EIF2AK4: variants seen among roughly 807,000 people sequenced by gnomAD.
The protein encoded by EIF2AK4 is eIF-2-alpha kinase GCN2.
Under a neutral mutation model 211.1 loss-of-function variants are expected in EIF2AK4, and 139 were observed. The ratio of observed to expected loss-of-function variants is 0.66; its 90% CI spans 0.57 to 0.76. EIF2AK4 has a LOEUF of 0.76. EIF2AK4 is among the 30% of genes least tolerant of loss of function. The pLI, the probability that EIF2AK4 is intolerant of heterozygous loss-of-function variation, is 0.00. For synonymous variants in EIF2AK4, 710 were observed against 751.3 expected (o/e 0.94, Z 0.90); for missense variants, 1,664 against 2,043.8 (o/e 0.81, Z 3.58).
intron 27 of EIF2AK4, among the ~76,000 whole-genome samples, chr15:40,014,926 A>T (rs2035285105): frequency 6.6e-6 from 1 of 152,132 alleles, no homozygotes; most frequent in Non-Finnish European, 1.5e-5. Flanking sequence ...ATCTCCCTCA[A>T]GTTCAAAGTT....
At chr15:39,992,670 G>C in intron 17 of EIF2AK4, 99 bp from the exon 18 acceptor site, 1 of 1,002,228 alleles carries the variant, frequency 1.0e-6, no homozygotes, top group Admixed American at 1.9e-5. Flanking sequence ...ACAGTTAACA[G>C]ATCATGCCTC....
At chr15:39,940,343 A>G (rs902418455) in intron 2 of EIF2AK4, among the ~76,000 whole-genome samples, 2 of 152,214 alleles carry the variant, frequency 1.3e-5, no homozygotes, top group African/African-American at 2.4e-5. Flanking sequence ...GTTGGCCTGG[A>G]TGGCGTTAAG....
At chr15:39,943,352 T>TTTC (rs2140898524) in intron 2 of EIF2AK4, 31 bp from the exon 3 acceptor site, 1 of 101,666 alleles carries the variant, frequency 9.8e-6, no homozygotes. Context: ...GGAGTAACTC[T>TTTC]TTTTTTTTTT....
chr15:39,957,264 C>A (rs2140907087), intron 6 of EIF2AK4, among the ~76,000 whole-genome samples: 1 of 152,250 alleles, frequency 6.6e-6, no homozygotes, highest in South Asian at 2.1e-4. Context: ...CAAGGTTAGG[C>A]TTGTTTTTGA....
At chr15:39,947,096 C>T (rs17720383) in intron 3 of EIF2AK4, among the ~76,000 whole-genome samples, 13,472 of 152,108 alleles carry the variant, frequency 0.089, 770 homozygotes, top group Middle Eastern at 0.23. Flanking sequence ...TCTGAGTCAT[C>T]GTCATATAAT....
In EIF2AK4 at chr15:39,998,462, A is replaced by G. The variant is rs16970160; in HGVS notation, c.2869-269A>G. On this transcript the variant is annotated intron_variant, in intron 19 of 38. Coordinates refer to ENST00000263791, the MANE Select transcript of EIF2AK4 (RefSeq NM_001013703.4). ...TTACTGCCTGAGCTAAAAGGGACCA[A>G]TGTTATAGTATGTGAGGTCAAAGGT... Among the ~76,000 whole-genome samples the G allele has an allele frequency of 7.8e-3, 1,177 of 151,356 alleles. 5 individuals are homozygous for G. Among genetic ancestry groups the G allele is most frequent in the South Asian group, 0.014 (65 of 4,796 alleles).
intron 6 of EIF2AK4, among the ~76,000 whole-genome samples, chr15:39,961,123 A>G (rs570479233): frequency 3.3e-5 from 5 of 152,284 alleles, no homozygotes; most frequent in Admixed American, 1.3e-4. Flanking sequence ...GTAGAAAAAA[A>G]GAAAGAGAGG....
chr15:39,956,508 A>G (rs1427794836), intron 6 of EIF2AK4, among the ~76,000 whole-genome samples: 1 of 152,200 alleles, frequency 6.6e-6, no homozygotes, highest in East Asian at 1.9e-4. Flanking sequence ...CATCTGTTAC[A>G]TGAGAGTAGG....
Position 39,939,501 on chromosome 15 carries a change from T to C in EIF2AK4, c.145-4T>C. 1 of 1,589,644 alleles carries C rather than the reference T, an allele frequency of 6.3e-7. No homozygotes were observed. The highest frequency in any genetic ancestry group is 8.6e-7 in the Non-Finnish European group (1 of 1,167,720). On this transcript the variant is annotated splice_polypyrimidine_tract_variant and splice_region_variant and intron_variant, in intron 1 of 38. Coordinates refer to ENST00000263791, the MANE Select transcript of EIF2AK4 (RefSeq NM_001013703.4). ...AAAAATTTTTTTTGTTTTTCCTCTT[T>C]TAGGTCAAAGAGCCCCCTGAAATCA...
At chr15:39,951,535 A>C in intron 4 of EIF2AK4, 2 of 354,838 alleles carry the variant, frequency 5.6e-6, no homozygotes, top group South Asian at 4.4e-5. Flanking sequence ...CTGGAAGCAC[A>C]GATCTGTTTT....
intron 9 of EIF2AK4, among the ~76,000 whole-genome samples, chr15:39,972,468 A>C (rs2034638372): frequency 6.6e-6 from 1 of 152,134 alleles, no homozygotes; most frequent in East Asian, 1.9e-4. Context: ...AGCAGGCTTC[A>C]TCTAAAGCTC....
At chr15:39,979,191 G>C (rs969559297) in intron 13 of EIF2AK4, among the ~76,000 whole-genome samples, 2 of 152,138 alleles carry the variant, frequency 1.3e-5, no homozygotes, top group Non-Finnish European at 2.9e-5. Context: ...CAAAGATGTG[G>C]GAAGTAGAAA....
intron 18 of EIF2AK4, 56 bp from the exon 19 acceptor site, chr15:39,996,908 G>T: frequency 8.1e-7 from 1 of 1,228,428 alleles, no homozygotes; most frequent in South Asian, 1.2e-5. Context: ...ATAATTCCCT[G>T]GTAAATTATA....
intron 37 of EIF2AK4, 65 bp downstream of exon 37, chr15:40,032,866 C>A: frequency 1.4e-6 from 2 of 1,409,004 alleles, no homozygotes; most frequent in Non-Finnish European, 9.8e-7. Flanking sequence ...ATTAGTTTGC[C>A]AAAATACTGA....
Position 40,022,504 on chromosome 15 carries a change from G to A in EIF2AK4, c.4303-15G>A. On this transcript the variant is annotated splice_polypyrimidine_tract_variant and intron_variant, in intron 31 of 38. Coordinates refer to ENST00000263791, the MANE Select transcript of EIF2AK4 (RefSeq NM_001013703.4). The stretch of plus-strand genomic sequence containing the variant: ...GCTCTGTGTTTATTTTCTTTACTAT[G>A]TTTGTTTGTTTCAGTCCCAAGAGGA... 6.2e-7 allele frequency: 1 copy of A among 1,606,894 alleles called. No homozygotes were observed. The highest frequency in any genetic ancestry group is 8.5e-7 in the Non-Finnish European group (1 of 1,174,540).
At chr15:40,004,227 A>G (rs2035129992) in intron 23 of EIF2AK4, among the ~76,000 whole-genome samples, 1 of 152,244 alleles carries the variant, frequency 6.6e-6, no homozygotes. Context: ...TTTGTTGCAC[A>G]TTCTTTATCC....
At position 39,998,714 on chromosome 15, in the gene EIF2AK4, T is replaced by C; in HGVS notation, c.2869-17T>C. 1.2e-6 allele frequency: 2 copies of C among 1,609,166 alleles called. No individual in the cohort carries two copies. The highest frequency in any genetic ancestry group is 1.7e-6 in the Non-Finnish European group (2 of 1,176,496). ...GCAGTCTGCCAAAACCTTGCTGATT[T>C]GAATATATTTTTTTAGCCCACTTCG... On this transcript the variant is annotated splice_polypyrimidine_tract_variant and intron_variant, in intron 19 of 38. Transcript: ENST00000263791.
intron 30 of EIF2AK4, chr15:40,020,496 AT>A (rs1216151907): frequency 7.6e-5 from 9 of 118,336 alleles, no homozygotes; most frequent in African/African-American, 2.8e-4. Context: ...AAAAGACCAA[AT>A]ATATATATGT....
chr15:40,028,431 C>T (rs1018552028), intron 33 of EIF2AK4, among the ~76,000 whole-genome samples: 5 of 152,148 alleles, frequency 3.3e-5, no homozygotes, highest in African/African-American at 1.2e-4. Context: ...TCCCAGGGCA[C>T]ATCTGGCAAT....
Sources: gnomAD v4.1 joint callset for allele counts (sites outside exome capture counted in the v4.1 genomes callset) on GRCh38, gnomAD v4.1.1 for gene constraint, MANE v1.5 for transcripts, NCBI Gene and HGNC (gene_info 2026-07-23, HGNC 2026-07-21) for gene names.